The following PCDHB14 variants were observed in gnomAD, a reference collection of about 807,000 sequenced individuals.
PCDHB14 encodes protocadherin beta-14.
For synonymous variants in PCDHB14, 511 were observed against 441.5 expected (o/e 1.16, Z -1.97); for missense variants, 1,129 against 1,000.5 (o/e 1.13, Z -1.73).
chr5:141,223,585 G>T lies in PCDHB14; in HGVS notation c.80G>T (p.Gly27Val). The T allele has an allele frequency of 6.2e-7, 1 of 1,614,160 alleles. No individual in the cohort carries two copies. Among genetic ancestry groups the T allele is most frequent in the Non-Finnish European group, 8.5e-7 (1 of 1,180,034 alleles). ...GTTTTGCTGGGATTGTCTCGGGCAG[G>T]TACTGAATCTGCACACTATTCTGTG... The part of the protein sequence containing the change: ...FLVLLGLSRA[G>V]TESAHYSVAE... The change falls in exon 1 of 1, where the codon GGT becomes GTT. Residue 27 changes from glycine to valine, a missense_variant. Physicochemically the swap from Gly to Val is moderately radical, Grantham distance 109. Transcript: ENST00000239449.
chr5:141,225,690 G>A lies in PCDHB14; in HGVS notation c.2185G>A (p.Glu729Lys), dbSNP rs782635187. Reference protein sequence around the residue: ...AASVGRCSVPEGPFPGHLVDV... With the variant: ...AASVGRCSVPKGPFPGHLVDV... ...CTCGGTGGGTCGCTGCTCGGTGCCC[G>A]AGGGTCCCTTTCCAGGGCATCTGGT... is the stretch of plus-strand genomic sequence containing the variant. Residue 729 changes from glutamate to lysine, a missense_variant, in exon 1 of 1, where the codon GAG (glutamate) becomes AAG (lysine). By Grantham distance (56) the Glu-to-Lys change is moderately conservative. Coordinates refer to ENST00000239449, the MANE Select transcript of PCDHB14 (RefSeq NM_018934.4). 11 of 1,613,832 alleles carry A rather than the reference G, an allele frequency of 6.8e-6. No homozygotes were observed. The highest frequency in any genetic ancestry group is 1.7e-5 in the Admixed American group (1 of 59,986).
chr5:141,225,347 G>C lies in PCDHB14; in HGVS notation c.1842G>C (p.Leu614=). 6.2e-7 allele frequency: 1 copy of C among 1,603,292 alleles called. No homozygotes were observed. The change falls in exon 1 of 1, where the codon CTG becomes CTC. Residue 614 remains leucine (L), a synonymous_variant. Transcript: ENST00000239449. ...TGCTCAAGGCCACGGAGCCCGGGCT[G>C]TTCGGCGTGTGGGCGCACAATGGCG... The part of the protein sequence containing the change: ...YQLLKATEPG[L]FGVWAHNGEV...
At position 141,224,576 on chromosome 5, in the gene PCDHB14, A is replaced by G. The variant is rs781796151; in HGVS notation, c.1071A>G (p.Pro357=). The part of the protein sequence containing the change: ...VTISSITKRI[P]ENASETLVAL... ...TATCGTCGATTACAAAGAGAATTCC[A>G]GAGAATGCCTCAGAGACCCTAGTAG... is the stretch of plus-strand genomic sequence containing the variant. The change falls in exon 1 of 1, where the codon CCA becomes CCG. Residue 357 remains proline, a synonymous_variant. Transcript: ENST00000239449. The G allele has an allele frequency of 9.3e-6, 15 of 1,613,082 alleles. No homozygotes were observed. Among genetic ancestry groups the G allele is most frequent in the Non-Finnish European group, 1.3e-5 (15 of 1,179,754 alleles).
In PCDHB14 at chr5:141,223,431, T is replaced by C; in HGVS notation, c.-75T>C. On this transcript the variant is annotated 5_prime_UTR_variant, in exon 1 of 1. Coordinates refer to ENST00000239449, the MANE Select transcript of PCDHB14 (RefSeq NM_018934.4). Reference sequence around the variant, plus strand: ...GGATACACTCTCCAGGGGGTTCCTGTTAAAAACCAGAGCTTCAGCTTCCAA... The same window carrying C: ...GGATACACTCTCCAGGGGGTTCCTGCTAAAAACCAGAGCTTCAGCTTCCAA... 1 of 1,139,246 alleles carries C rather than the reference T, an allele frequency of 8.8e-7. No homozygotes were observed. The highest frequency in any genetic ancestry group is 2.3e-5 in the East Asian group (1 of 42,570). The allele number at this position is 1,139,246 out of a possible 1,614,324, so 70.6% of individuals were successfully genotyped here.
rs371056506 is a variant in PCDHB14, at chr5:141,225,410, G to T, written c.1905G>T (p.Ala635=). 25 of 1,604,686 alleles carry T rather than the reference G, an allele frequency of 1.6e-5. No individual in the cohort carries two copies. Among genetic ancestry groups the T allele is most frequent in the Non-Finnish European group, 2.0e-5 (23 of 1,179,392 alleles). Reference sequence around the variant, plus strand: ...CCAGGCTGCTGAGCGAGCGCGACGCGGCCAAGCACAGGCTGGTGGTGCTGG... The same window carrying T: ...CCAGGCTGCTGAGCGAGCGCGACGCTGCCAAGCACAGGCTGGTGGTGCTGG... ...RTARLLSERD[A]AKHRLVVLVK... is the part of the protein sequence containing the mutation. The change falls in exon 1 of 1, where the codon GCG becomes GCT. Residue 635 remains alanine, a synonymous_variant. Coordinates refer to ENST00000239449, the MANE Select transcript of PCDHB14 (RefSeq NM_018934.4).
chr5:141,225,758 C>T lies in PCDHB14; in HGVS notation c.2253C>T (p.Tyr751=), dbSNP rs567138525. 7.2e-5 allele frequency: 117 copies of T among 1,614,198 alleles called. No individual in the cohort carries two copies. Among genetic ancestry groups the T allele is most frequent in the Middle Eastern group, 3.3e-4 (2 of 6,060 alleles). Residue 751 remains tyrosine, a synonymous_variant, in exon 1 of 1, where the codon TAC becomes TAT. Transcript: ENST00000239449. Reference sequence around the variant, plus strand: ...GGACCCTGTCCCAGAGCTACCAATACGAGGTGTGTCTGACAGGAGGTTCCG... The same window carrying T: ...GGACCCTGTCCCAGAGCTACCAATATGAGGTGTGTCTGACAGGAGGTTCCG... ...GTGTLSQSYQ[Y]EVCLTGGSGT...
In PCDHB14 at chr5:141,224,018, A is replaced by G; in HGVS notation, c.513A>G (p.Thr171=). 1 of 1,613,614 alleles carries G rather than the reference A, an allele frequency of 6.2e-7. No individual in the cohort carries two copies. The highest frequency in any genetic ancestry group is 8.5e-7 in the Non-Finnish European group (1 of 1,179,806). ...DVGSNSLQNY[T]ISPNSHFYIK... is the part of the protein sequence containing the mutation. Reference sequence around the variant, plus strand: ...GAAGCAACAGTCTCCAAAACTACACAATTAGCCCCAATTCTCACTTCTACA... The same window carrying G: ...GAAGCAACAGTCTCCAAAACTACACGATTAGCCCCAATTCTCACTTCTACA... The change falls in exon 1 of 1, where the codon ACA becomes ACG. Residue 171 remains threonine, a synonymous_variant. Coordinates refer to ENST00000239449, the MANE Select transcript of PCDHB14 (RefSeq NM_018934.4).
Position 141,224,229 on chromosome 5 carries a change from T to A in PCDHB14, c.724T>A (p.Phe242Ile). The change falls in exon 1 of 1, where the codon TTT becomes ATT. Residue 242 changes from phenylalanine (F) to isoleucine (I), a missense_variant. Coordinates refer to ENST00000239449, the MANE Select transcript of PCDHB14 (RefSeq NM_018934.4). Reference protein sequence around the residue: ...VLDINDNAPEFPQSLYEVQVP... With the variant: ...VLDINDNAPEIPQSLYEVQVP... ...GGACATCAATGATAATGCCCCTGAG[T>A]TTCCTCAGAGTCTCTATGAGGTGCA... The A allele has an allele frequency of 1.2e-6, 2 of 1,613,634 alleles. No individual in the cohort carries two copies. Among genetic ancestry groups the A allele is most frequent in the Non-Finnish European group, 1.7e-6 (2 of 1,179,786 alleles).
Position 141,224,115 on chromosome 5 carries a change from C to T in PCDHB14, c.610C>T (p.Gln204Ter), listed in dbSNP as rs1342610096. ...LVLDRALDYEQEAELRLTLTA... is the reference protein window; with the variant it reads ...LVLDRALDYE ...CCTAGATAGAGCTTTAGATTATGAACAGGAAGCTGAACTCAGATTAACACT... is the reference window on the plus strand; with the variant it reads ...CCTAGATAGAGCTTTAGATTATGAATAGGAAGCTGAACTCAGATTAACACT... Residue 204 changes from glutamine to a stop codon, truncating the protein, a stop_gained, in exon 1 of 1, where the codon CAG becomes TAG. Transcript: ENST00000239449. LOFTEE classifies it low-confidence loss of function (END_TRUNC). 6.8e-6 allele frequency: 11 copies of T among 1,614,030 alleles called. No homozygotes were observed. Among genetic ancestry groups the T allele is most frequent in the Non-Finnish European group, 9.3e-6 (11 of 1,180,022 alleles).
Position 141,223,644 on chromosome 5 carries a change from A to G in PCDHB14, c.139A>G (p.Asn47Asp). Residue 47 changes from asparagine (N) to aspartate (D), a missense_variant, in exon 1 of 1, where the codon AAT becomes GAT. Coordinates refer to ENST00000239449, the MANE Select transcript of PCDHB14 (RefSeq NM_018934.4). Reference sequence around the variant, plus strand: ...AACAGAAATTGGCTCTTTTGTGGCTAATCTAGCGAGGGACCTAGGGCTGGG... The same window carrying G: ...AACAGAAATTGGCTCTTTTGTGGCTGATCTAGCGAGGGACCTAGGGCTGGG... ...EETEIGSFVA[N>D]LARDLGLGVE... 6.2e-7 allele frequency: 1 copy of G among 1,614,188 alleles called. No homozygotes were observed. Among genetic ancestry groups the G allele is most frequent in the Non-Finnish European group, 8.5e-7 (1 of 1,180,030 alleles).
chr5:141,224,165 G>T lies in PCDHB14; in HGVS notation c.660G>T (p.Pro220=). 6.2e-7 allele frequency: 1 copy of T among 1,613,996 alleles called. No homozygotes were observed. Among genetic ancestry groups the T allele is most frequent in the Non-Finnish European group, 8.5e-7 (1 of 1,180,032 alleles). Reference sequence around the variant, plus strand: ...TCACAGCAGTGGATGGTGGATCCCCGCCCAAGTCTGGGACAACTTTGGTTC... The same window carrying T: ...TCACAGCAGTGGATGGTGGATCCCCTCCCAAGTCTGGGACAACTTTGGTTC... ...LTLTAVDGGS[P]PKSGTTLVLI... Residue 220 remains proline (P), a synonymous_variant, in exon 1 of 1, where the codon CCG becomes CCT. Transcript: ENST00000239449.
At position 141,224,921 on chromosome 5, in the gene PCDHB14, C is replaced by A. The variant is rs782457165; in HGVS notation, c.1416C>A (p.Ser472Arg). Residue 472 changes from serine to arginine, a missense_variant, in exon 1 of 1, where the codon AGC becomes AGA. By Grantham distance (110) the Ser-to-Arg change is moderately radical. Transcript: ENST00000239449. ...ENNSPALHIG[S>R]VSATDRDSGT... ...ACAGCCCCGCCCTGCACATCGGCAGCGTCAGCGCCACAGACAGAGACTCAG... is the reference window on the plus strand; with the variant it reads ...ACAGCCCCGCCCTGCACATCGGCAGAGTCAGCGCCACAGACAGAGACTCAG... 13 of 1,612,810 alleles carry A rather than the reference C, an allele frequency of 8.1e-6. No homozygotes were observed. In the South Asian group the frequency reaches 1.1e-4, roughly 14 times the overall value.
Position 141,223,384 on chromosome 5 carries a change from C to T in PCDHB14, c.-122C>T, listed in dbSNP as rs1274887311. On this transcript the variant is annotated 5_prime_UTR_variant, in exon 1 of 1. Transcript: ENST00000239449. ...ACTGAAAAGACAGGCATTAAAGGAGCTTCGCCTACAGAGCTGCTGGAGGAT... is the reference window on the plus strand; with the variant it reads ...ACTGAAAAGACAGGCATTAAAGGAGTTTCGCCTACAGAGCTGCTGGAGGAT... 2 of 706,028 alleles carry T rather than the reference C, an allele frequency of 2.8e-6. No individual in the cohort carries two copies. Among genetic ancestry groups the T allele is most frequent in the Non-Finnish European group, 2.4e-6 (1 of 411,958 alleles). The allele number at this position is 706,028 out of a possible 1,614,324, so 43.7% of individuals were successfully genotyped here. A position where few individuals can be genotyped will look rare whatever the true frequency, so the allele number is the denominator to read the frequency against.
Position 141,223,721 on chromosome 5 carries a change from A to G in PCDHB14, c.216A>G (p.Lys72=). 6.2e-7 allele frequency: 1 copy of G among 1,614,060 alleles called. No individual in the cohort carries two copies. The highest frequency in any genetic ancestry group is 8.5e-7 in the Non-Finnish European group (1 of 1,180,012). The change falls in exon 1 of 1, where the codon AAA becomes AAG. Residue 72 remains lysine (K), a synonymous_variant. Transcript: ENST00000239449. ...CCCGGGTAGTGTCTGATGATAATAA[A>G]AAGTATTTGCACCTTGATTTGCTGA... is the stretch of plus-strand genomic sequence containing the variant. ...REARVVSDDN[K]KYLHLDLLTG...
rs141870162 is a variant in PCDHB14, at chr5:141,224,976, C to T, written c.1471C>T (p.Leu491=). 903 of 1,612,542 alleles carry T rather than the reference C, an allele frequency of 5.6e-4. 1 individual carries two copies. Among genetic ancestry groups the T allele is most frequent in the Non-Finnish European group, 7.0e-4 (821 of 1,180,054 alleles). The change falls in exon 1 of 1, where the codon CTG becomes TTG. Residue 491 remains leucine, a synonymous_variant. Coordinates refer to ENST00000239449, the MANE Select transcript of PCDHB14 (RefSeq NM_018934.4). ...GTNAQVNYSL[L]PPQDRHLPLA... is the part of the protein sequence containing the mutation. ...CAACGCCCAGGTCAACTACTCGCTG[C>T]TGCCGCCCCAGGACCGGCACCTGCC...
At position 141,223,665 on chromosome 5, in the gene PCDHB14, C is replaced by A. The variant is rs530574808; in HGVS notation, c.160C>A (p.Leu54Met). ...FVANLARDLG[L>M]GVEELSSREA... ...GGCTAATCTAGCGAGGGACCTAGGG[C>A]TGGGGGTGGAGGAGCTGTCTTCACG... The change falls in exon 1 of 1, where the codon CTG (leucine) becomes ATG (methionine). Residue 54 changes from leucine to methionine, a missense_variant. By Grantham distance (15) the Leu-to-Met change is conservative (BLOSUM62 2). Coordinates refer to ENST00000239449, the MANE Select transcript of PCDHB14 (RefSeq NM_018934.4). 2 of 1,614,036 alleles carry A rather than the reference C, an allele frequency of 1.2e-6. No individual in the cohort carries two copies. The highest frequency in any genetic ancestry group is 2.2e-5 in the East Asian group (1 of 44,878).
chr5:141,224,256 G>C lies in PCDHB14; in HGVS notation c.751G>C (p.Val251Leu). Residue 251 changes from valine to leucine, a missense_variant, in exon 1 of 1, where the codon GTC (valine) becomes CTC (leucine). Coordinates refer to ENST00000239449, the MANE Select transcript of PCDHB14 (RefSeq NM_018934.4). ...EFPQSLYEVQ[V>L]PEDRPLGSWI... ...TCCTCAGAGTCTCTATGAGGTGCAA[G>C]TCCCCGAGGACAGACCCCTTGGCTC... 6.2e-7 allele frequency: 1 copy of C among 1,613,848 alleles called. No homozygotes were observed. The highest frequency in any genetic ancestry group is 1.1e-5 in the South Asian group (1 of 91,018).
chr5:141,223,953 G>T lies in PCDHB14; in HGVS notation c.448G>T (p.Ala150Ser), dbSNP rs143239995. The stretch of plus-strand genomic sequence containing the variant: ...AATATCAGAAGGTACCACTGTTGGA[G>T]CTACCTTTCTAATGGAGAGTGCTCA... ...IKISEGTTVG[A>S]TFLMESAQDL... Residue 150 changes from alanine to serine, a missense_variant, in exon 1 of 1, where the codon GCT becomes TCT. Ala to Ser is a moderately conservative substitution (Grantham distance 99). Coordinates refer to ENST00000239449, the MANE Select transcript of PCDHB14 (RefSeq NM_018934.4). 1.4e-5 allele frequency: 22 copies of T among 1,613,938 alleles called. No homozygotes were observed. The highest frequency in any genetic ancestry group is 1.6e-4 in the Middle Eastern group (1 of 6,078).
chr5:141,226,397 TAGTTTTTCA>T lies in PCDHB14; in HGVS notation c.*497_*505del, dbSNP rs1754862189. The T allele has an allele frequency of 6.5e-6, 1 of 154,370 alleles. No homozygotes were observed. The highest frequency in any genetic ancestry group is 1.5e-5 in the Non-Finnish European group (1 of 68,304). The allele number at this position is 154,370 out of a possible 1,614,324, so 9.6% of individuals were successfully genotyped here. A position where few individuals can be genotyped will look rare whatever the true frequency, so the allele number is the denominator to read the frequency against. ...CATTTTCAGTTCTGGAGAACCTTATTAGTTTTTCAAATATTTACTTTATGATGAAACTTA... is the reference window on the plus strand; with the variant it reads ...CATTTTCAGTTCTGGAGAACCTTATTAATATTTACTTTATGATGAAACTTA... On this transcript the variant is annotated 3_prime_UTR_variant, in exon 1 of 1. Transcript: ENST00000239449.
Sources: gnomAD v4.1 joint callset for allele counts on GRCh38, gnomAD v4.1.1 for gene constraint, MANE v1.5 for transcripts, NCBI Gene and HGNC (gene_info 2026-07-23, HGNC 2026-07-21) for gene names.